NTN1: variants seen among roughly 807,000 people sequenced by gnomAD.
NTN1 encodes the protein netrin-1.
Under a neutral mutation model 54.2 loss-of-function variants are expected in NTN1, and 11 were observed. The ratio of observed to expected loss-of-function variants is 0.20; its 90% CI spans 0.13 to 0.34. The LOEUF (loss-of-function observed/expected upper bound fraction) is 0.34, where lower values mean the gene tolerates loss of function less well. Ranked by LOEUF, NTN1 falls within the 10% of genes least tolerant of loss-of-function variation. NTN1 has a pLI of 1.00. For synonymous variants in NTN1, 371 were observed against 382.0 expected (o/e 0.97, Z 0.33); for missense variants, 740 against 893.1 (o/e 0.83, Z 2.18).
At chr17:9,228,441 C>CCCCT (rs1451719878) in intron 6 of NTN1, among the ~76,000 whole-genome samples, 1 of 152,160 alleles carries the variant, frequency 6.6e-6, no homozygotes, top group Non-Finnish European at 1.5e-5. Context: ...GCCACTCTGA[C>CCCCT]CCCTCCAGCT....
intron 2 of NTN1, among the ~76,000 whole-genome samples, chr17:9,030,976 A>C (rs2091886809): frequency 6.6e-6 from 1 of 152,196 alleles, no homozygotes; most frequent in African/African-American, 2.4e-5. Context: ...CTCGCTGCAC[A>C]CGTGGTCATA....
chr17:9,019,422 T>C (rs539111659), upstream of NTN1, among the ~76,000 whole-genome samples: 2 of 152,354 alleles, frequency 1.3e-5, no homozygotes, highest in East Asian at 3.9e-4. Flanking sequence ...GATTTAAAAT[T>C]TCTGTATAGA....
intron 2 of NTN1, among the ~76,000 whole-genome samples, chr17:9,122,314 G>A (rs112096456): frequency 3.9e-5 from 6 of 152,304 alleles, no homozygotes; most frequent in African/African-American, 1.4e-4. Flanking sequence ...GATTACAGGC[G>A]TGAGCCACCA....
chr17:9,207,053 G>A (rs961290370), intron 5 of NTN1, among the ~76,000 whole-genome samples: 8 of 152,126 alleles, frequency 5.3e-5, no homozygotes, highest in Non-Finnish European at 8.8e-5. Flanking sequence ...TTTGTCTGCC[G>A]CACAGTGGTG....
chr17:9,030,669 C>T (rs1416536001), intron 2 of NTN1, among the ~76,000 whole-genome samples: 2 of 151,668 alleles, frequency 1.3e-5, no homozygotes, highest in African/African-American at 2.4e-5. Context: ...TGCTTGAACC[C>T]GAGAGGCAGA....
intron 2 of NTN1, among the ~76,000 whole-genome samples, chr17:9,057,593 G>A (rs948784036): frequency 2.0e-5 from 3 of 152,114 alleles, no homozygotes; most frequent in East Asian, 1.9e-4. Flanking sequence ...TAATACTTTG[G>A]CTGCTGTTTC....
At chr17:9,066,652 A>G (rs1278222194) in intron 2 of NTN1, among the ~76,000 whole-genome samples, 1 of 151,220 alleles carries the variant, frequency 6.6e-6, no homozygotes, top group Non-Finnish European at 1.5e-5. Flanking sequence ...TCAATAGCAG[A>G]TATACAGAAT....
intron 5 of NTN1, among the ~76,000 whole-genome samples, chr17:9,205,073 G>A (rs938935722): frequency 6.6e-6 from 1 of 152,184 alleles, no homozygotes; most frequent in Non-Finnish European, 1.5e-5. Flanking sequence ...CTGCCATTTG[G>A]ATGAGGAACT....
intron 5 of NTN1, among the ~76,000 whole-genome samples, chr17:9,215,342 C>T (rs565353647): frequency 1.1e-4 from 17 of 151,932 alleles, no homozygotes; most frequent in Non-Finnish European, 1.9e-4. Context: ...CCCTTTCAAA[C>T]AGTTAAAAAT....
In NTN1 at chr17:9,223,355, C is replaced by T. The variant is rs531059468; in HGVS notation, c.1486+2113C>T. ...TCACCTGAGGGTGAATATTTGAGACCAGCCTGGCCAACATGATGAAACCTG... is the reference window on the plus strand; with the variant it reads ...TCACCTGAGGGTGAATATTTGAGACTAGCCTGGCCAACATGATGAAACCTG... On this transcript the variant is annotated intron_variant, in intron 6 of 6. Transcript: ENST00000173229. Among the ~76,000 whole-genome samples, 38 of 152,234 alleles carry T rather than the reference C, an allele frequency of 2.5e-4. 1 individual carries two copies. The South Asian group carries it at 7.9e-3, about 32-fold the overall frequency.
upstream of NTN1, among the ~76,000 whole-genome samples, chr17:9,020,648 T>C (rs1381481046): frequency 6.6e-6 from 1 of 152,234 alleles, no homozygotes; most frequent in East Asian, 1.9e-4. Flanking sequence ...GGAGGTCCCA[T>C]GAGCTATTAC....
At chr17:9,028,401 C>A (rs1029321401) in intron 2 of NTN1, among the ~76,000 whole-genome samples, 1 of 152,050 alleles carries the variant, frequency 6.6e-6, no homozygotes, top group African/African-American at 2.4e-5. Context: ...TCAGGAACCT[C>A]GAGGCAAGGA....
rs1374531098 is a variant in NTN1, at chr17:9,240,263, G to GCGCTTCC, written c.*297_*303dup. On this transcript the variant is annotated 3_prime_UTR_variant, in exon 7 of 7. Coordinates refer to ENST00000173229, the MANE Select transcript of NTN1 (RefSeq NM_004822.3). ...ACGGGGCTCCTTCCAGAGCAGAGAC[G>GCGCTTCC]CGCTTCCCTGGGCCTGGGCGCGGCC... 1 of 153,318 alleles carries GCGCTTCC rather than the reference G, an allele frequency of 6.5e-6. No homozygotes were observed. Among genetic ancestry groups the GCGCTTCC allele is most frequent in the Admixed American group, 6.5e-5 (1 of 15,300 alleles). 9.5% of individuals were successfully genotyped at this position (153,318 alleles called of 1,614,324 possible).
At chr17:9,026,315 G>A (rs564240952) in intron 2 of NTN1, among the ~76,000 whole-genome samples, 3 of 149,622 alleles carry the variant, frequency 2.0e-5, no homozygotes, top group Non-Finnish European at 4.4e-5. Flanking sequence ...TTGTTTCAAG[G>A]TCAAGCTTTC....
chr17:9,221,277 AG>A lies in NTN1; in HGVS notation c.1486+40del. ...AGTCCCCTTGTCTGGGGAGGATGGGAGGGGGCCACGTGACCAGCGAGGTGCT... is the reference window on the plus strand; with the variant it reads ...AGTCCCCTTGTCTGGGGAGGATGGGAGGGGCCACGTGACCAGCGAGGTGCT... On this transcript the variant is annotated intron_variant, in intron 6 of 6. Coordinates refer to ENST00000173229, the MANE Select transcript of NTN1 (RefSeq NM_004822.3). The surrounding 1 kb of genome is among the most constrained non-coding windows in gnomAD (Gnocchi z 4.5). The A allele has an allele frequency of 6.4e-7, 1 of 1,557,128 alleles. No homozygotes were observed. The highest frequency in any genetic ancestry group is 1.7e-5 in the Admixed American group (1 of 59,874).
chr17:9,150,774 A>G (rs1309621569), intron 2 of NTN1, among the ~76,000 whole-genome samples: 1 of 152,064 alleles, frequency 6.6e-6, no homozygotes, highest in Non-Finnish European at 1.5e-5. Flanking sequence ...AGAAAAGGCT[A>G]AGATGTTTAC....
At position 9,179,969 on chromosome 17, in the gene NTN1, C is replaced by T. The variant is rs769638734; in HGVS notation, c.1357+13C>T. The T allele has an allele frequency of 5.6e-6, 9 of 1,607,276 alleles. No homozygotes were observed. In the East Asian group the frequency reaches 1.3e-4, roughly 24 times the overall value. ...GCCCCCTGCATAAGTATGTGTGGGG[C>T]ACCCTGCTTTTCAAGTCTCTGGCTT... On this transcript the variant is annotated intron_variant, in intron 4 of 6. Transcript: ENST00000173229.
intron 5 of NTN1, among the ~76,000 whole-genome samples, chr17:9,206,998 A>T (rs1904984935): frequency 6.6e-6 from 1 of 151,848 alleles, no homozygotes; most frequent in African/African-American, 2.4e-5. Flanking sequence ...GGTGACTTCC[A>T]CCTTTGGAGT....
At chr17:9,042,786 CAA>C (rs774209137) in intron 2 of NTN1, among the ~76,000 whole-genome samples, 14 of 116,752 alleles carry the variant, frequency 1.2e-4, no homozygotes, top group South Asian at 2.7e-4. Flanking sequence ...GACTCCATCT[CAA>C]AAAAAAAAAA....
Sources: gnomAD v4.1 joint callset for allele counts (sites outside exome capture counted in the v4.1 genomes callset) on GRCh38, gnomAD v4.1.1 for gene constraint, Gnocchi (gnomAD v3.1) non-coding constraint, MANE v1.5 for transcripts, NCBI Gene and HGNC (gene_info 2026-07-23, HGNC 2026-07-21) for gene names.